PCDH15: variants seen among roughly 807,000 people sequenced by gnomAD.
The protein encoded by PCDH15 is protocadherin-15.
In PCDH15, 129 loss-of-function variants were observed where a neutral mutation model predicts 178.5. The observed-to-expected ratio is 0.72, with a 90% CI of 0.63 to 0.84. PCDH15 has a LOEUF of 0.84. Among genes scored for constraint, PCDH15 ranks in the 40% least tolerant of loss-of-function variants. The probability of loss-of-function intolerance (pLI) is 0.00; values close to 1 mark genes in which losing one functional copy is unlikely to be tolerated. For missense variants in PCDH15, 2,230 were observed against 2,099.9 expected, an observed-to-expected ratio of 1.06 and a Z score of -1.21; for synonymous variants, 800 against 732.0, an observed-to-expected ratio of 1.09 and a Z score of -1.50.
At chr10:54,630,950 ATGAGATAC>A (rs944587772) in intron 2 of PCDH15, among the ~76,000 whole-genome samples, 1 of 152,206 alleles carries the variant, frequency 6.6e-6, no homozygotes, top group Admixed American at 6.5e-5. Flanking sequence ...CAAAGCAAAT[ATGAGATAC>A]TGTCTCACAC....
In PCDH15 at chr10:54,421,658, TA is replaced by T. The variant is rs1565229261; in HGVS notation, c.158-42717del. On this transcript the variant is annotated intron_variant, in intron 3 of 37. Transcript: ENST00000644397. ...GCCTACATTTATATATGTACATGTG[TA>T]GTGTATATATACATATATATATATA... Among the ~76,000 whole-genome samples, 598 of 96,670 alleles carry T rather than the reference TA, an allele frequency of 6.2e-3. 18 individuals carry two copies. The highest frequency in any genetic ancestry group is 0.022 in the African/African-American group (554 of 24,894). 63.4% of individuals were successfully genotyped at this position (96,670 alleles called of 152,430 possible). A position where few individuals can be genotyped will look rare whatever the true frequency, so the allele number is the denominator to read the frequency against.
rs1454485 is a variant in PCDH15, at chr10:54,962,494, C to G, written c.-79-64994G>C. ...GCCCAGACCTTGGGGCTCCCTGAAC[C>G]AGGGCTGTGATATATTGTGACACTT... On this transcript the variant is annotated intron_variant, in intron 2 of 5. Coordinates refer to the PCDH15 transcript ENST00000458638. Among the ~76,000 whole-genome samples, 167 of 152,300 alleles carry G rather than the reference C, an allele frequency of 1.1e-3. 2 individuals carry two copies. The highest frequency in any genetic ancestry group is 3.9e-3 in the African/African-American group (163 of 41,564).
chr10:55,428,566 T>TTATC (rs138673311), intron 2 of PCDH15, among the ~76,000 whole-genome samples: 1,561 of 151,688 alleles, frequency 0.01, 14 homozygotes, highest in East Asian at 0.067. Flanking sequence ...ATATCTATAA[T>TTATC]TATCTATCTA....
chr10:54,684,474 T>C (rs570542071), intron 1 of PCDH15, among the ~76,000 whole-genome samples: 19 of 152,146 alleles, frequency 1.2e-4, no homozygotes, highest in Non-Finnish European at 2.4e-4. Context: ...TATGTGGCAT[T>C]TAGTCAAATG....
intron 2 of PCDH15, among the ~76,000 whole-genome samples, chr10:55,127,048 A>ACT (rs760523704): frequency 2.6e-5 from 4 of 151,860 alleles, no homozygotes; most frequent in Non-Finnish European, 5.9e-5. Context: ...TTCAAATATC[A>ACT]CTCTGACAAT....
chr10:54,448,585 A>G (rs1463555690), intron 3 of PCDH15, among the ~76,000 whole-genome samples: 1 of 151,670 alleles, frequency 6.6e-6, no homozygotes, highest in Non-Finnish European at 1.5e-5. Context: ...TGGAAACCAT[A>G]ATCAGAACTG....
chr10:54,889,090 GA>G (rs1169323064), intron 3 of PCDH15, among the ~76,000 whole-genome samples: 1 of 151,800 alleles, frequency 6.6e-6, no homozygotes, highest in Non-Finnish European at 1.5e-5. Flanking sequence ...ATGCATCAGT[GA>G]CCTGGCTCAT....
intron 3 of PCDH15, among the ~76,000 whole-genome samples, chr10:54,491,308 C>CAA (rs140987485): frequency 0.19 from 24,902 of 132,972 alleles, 2,396 homozygotes; most frequent in Admixed American, 0.32. Context: ...TATGATGTCT[C>CAA]AAAAAAAAAA....
At chr10:53,856,688 C>T (rs994140891) in intron 28 of PCDH15, among the ~76,000 whole-genome samples, 1 of 152,092 alleles carries the variant, frequency 6.6e-6, no homozygotes, top group Admixed American at 6.6e-5. Context: ...TAAAATCTCA[C>T]ATCTAATTTT....
intron 2 of PCDH15, among the ~76,000 whole-genome samples, chr10:55,578,005 C>A (rs560557808): frequency 6.9e-4 from 105 of 151,846 alleles, no homozygotes; most frequent in Non-Finnish European, 1.3e-3. Flanking sequence ...TTAACCATAA[C>A]AATTGAAAGT....
chr10:55,245,911 T>C (rs1273459345), intron 1 of PCDH15, among the ~76,000 whole-genome samples: 1 of 152,174 alleles, frequency 6.6e-6, no homozygotes, highest in Non-Finnish European at 1.5e-5. Context: ...AACCAAACAG[T>C]TCTATGCTGG....
intron 15 of PCDH15, among the ~76,000 whole-genome samples, chr10:54,113,644 A>T (rs2095063332): frequency 1.3e-5 from 2 of 151,598 alleles, no homozygotes; most frequent in South Asian, 4.1e-4. Context: ...ACACAGACAC[A>T]CACACACACA....
chr10:54,677,948 A>G (rs2094822390), intron 1 of PCDH15, among the ~76,000 whole-genome samples: 2 of 152,140 alleles, frequency 1.3e-5, no homozygotes, highest in African/African-American at 4.8e-5. Flanking sequence ...CATAATCACA[A>G]TCTTTGAAAA....
At chr10:54,960,438 T>A (rs1838614438) in intron 2 of PCDH15, among the ~76,000 whole-genome samples, 1 of 152,162 alleles carries the variant, frequency 6.6e-6, no homozygotes. Context: ...GTGGGCAGTA[T>A]TTCACAAAGG....
intron 2 of PCDH15, among the ~76,000 whole-genome samples, chr10:54,649,095 G>A (rs1033195945): frequency 2.0e-5 from 3 of 152,158 alleles, no homozygotes; most frequent in African/African-American, 7.2e-5. Context: ...AACATTAACA[G>A]CATGAACTGG....
chr10:54,640,544 C>T, intron 2 of PCDH15, among the ~76,000 whole-genome samples: 1 of 151,940 alleles, frequency 6.6e-6, no homozygotes, highest in East Asian at 1.9e-4. Context: ...TAAGTGATGT[C>T]ACCCTGCGTA....
intron 15 of PCDH15, among the ~76,000 whole-genome samples, chr10:54,120,284 A>C (rs1231147199): frequency 3.3e-5 from 5 of 152,246 alleles, no homozygotes; most frequent in Admixed American, 3.3e-4. Flanking sequence ...ATGGGAACCA[A>C]GAACCATATC....
At chr10:54,556,793 C>T (rs533733016) in intron 2 of PCDH15, among the ~76,000 whole-genome samples, 2 of 151,412 alleles carry the variant, frequency 1.3e-5, no homozygotes, top group African/African-American at 4.8e-5. Flanking sequence ...TAAATTTTAA[C>T]TTAGTTGTTA....
At chr10:55,390,539 C>T (rs1208139510) in intron 2 of PCDH15, among the ~76,000 whole-genome samples, 1 of 152,138 alleles carries the variant, frequency 6.6e-6, no homozygotes, top group Non-Finnish European at 1.5e-5. Flanking sequence ...GAGTTCCTTC[C>T]ATGAATCATG....
Sources: gnomAD v4.1 joint callset for allele counts (sites outside exome capture counted in the v4.1 genomes callset) on GRCh38, gnomAD v4.1.1 for gene constraint, MANE v1.5 for transcripts, NCBI Gene and HGNC (gene_info 2026-07-23, HGNC 2026-07-21) for gene names.